ETV5: variants seen among roughly 807,000 people sequenced by gnomAD.
ETV5 encodes the protein ETS variant transcription factor 5, also known as ETS translocation variant 5.
ETV5 carries 10 observed loss-of-function variants against 70.0 expected under a neutral mutation model. The ratio of observed to expected loss-of-function variants is 0.14; its 90% CI spans 0.09 to 0.24. The LOEUF is 0.24. Among genes scored for constraint, ETV5 ranks in the 10% least tolerant of loss-of-function variants. ETV5 has a pLI of 1.00. For synonymous variants in ETV5, 216 were observed against 242.2 expected, an observed-to-expected ratio of 0.89 and a Z score of 1.01; for missense variants, 453 against 651.2, an observed-to-expected ratio of 0.70 and a Z score of 3.31.
At chr3:186,089,072 A>C (rs999914596) in intron 5 of ETV5, among the ~76,000 whole-genome samples, 3 of 152,136 alleles carry the variant, frequency 2.0e-5, no homozygotes, top group Non-Finnish European at 4.4e-5. Flanking sequence ...CTAGTGAATG[A>C]CTCTAATAGT....
chr3:186,079,837 G>A lies in ETV5; in HGVS notation c.630C>T (p.Asn210=), dbSNP rs1411639442. The change falls in exon 7 of 13, where the codon AAC becomes AAT. Residue 210 remains asparagine, a synonymous_variant. Coordinates refer to ENST00000306376, the MANE Select transcript of ETV5 (RefSeq NM_004454.3). The part of the protein sequence containing the change: ...PLQMPKMMPE[N]QYPSEQRFQR... ...CCCACCTCTGTTCTGATGGATACTG[G>A]TTTTCAGGCATCATCTTTGGCATCT... is the stretch of plus-strand genomic sequence containing the variant. 1.3e-6 allele frequency: 2 copies of A among 1,599,554 alleles called. No individual in the cohort carries two copies. The highest frequency in any genetic ancestry group is 2.3e-5 in the East Asian group (1 of 43,802).
intron 9 of ETV5, among the ~76,000 whole-genome samples, chr3:186,060,404 TG>T (rs1317325305): frequency 6.6e-6 from 1 of 152,238 alleles, no homozygotes; most frequent in Non-Finnish European, 1.5e-5. Flanking sequence ...TTAAGTCAGT[TG>T]AATTTGAGCC....
chr3:186,099,949 T>C (rs770077452), intron 5 of ETV5, among the ~76,000 whole-genome samples: 1 of 152,132 alleles, frequency 6.6e-6, no homozygotes, highest in East Asian at 1.9e-4. Flanking sequence ...AAGAGAAAAA[T>C]TCAGTTTTAA....
At chr3:186,103,569 A>T (rs1197850757) in intron 5 of ETV5, among the ~76,000 whole-genome samples, 1 of 151,834 alleles carries the variant, frequency 6.6e-6, no homozygotes, top group Admixed American at 6.6e-5. Flanking sequence ...GCTGGGCCAA[A>T]TTGTCAACAC....
In ETV5 at chr3:186,105,584, G is replaced by C. The variant is rs1290061949; in HGVS notation, c.133+41C>G. The C allele has an allele frequency of 9.9e-6, 16 of 1,612,354 alleles. No homozygotes were observed. Among genetic ancestry groups the C allele is most frequent in the African/African-American group, 1.3e-5 (1 of 74,898 alleles). ...AGAATCTACACGCTACTGTCACTGG[G>C]AGCAGGGAAGCCACAACATAATCAG... On this transcript the variant is annotated intron_variant, in intron 3 of 12. Coordinates refer to ENST00000306376, the MANE Select transcript of ETV5 (RefSeq NM_004454.3). The surrounding 1 kb of genome is among the most constrained non-coding windows in gnomAD (Gnocchi z 4.5).
At chr3:186,049,226 T>A (rs1300015953) in intron 12 of ETV5, among the ~76,000 whole-genome samples, 2 of 152,252 alleles carry the variant, frequency 1.3e-5, no homozygotes, top group East Asian at 3.8e-4. Flanking sequence ...ACCACATTTT[T>A]AGTCACTTCC....
intron 9 of ETV5, among the ~76,000 whole-genome samples, chr3:186,059,064 A>C (rs1290746784): frequency 6.6e-6 from 1 of 151,802 alleles, no homozygotes; most frequent in Non-Finnish European, 1.5e-5. Context: ...GAAAGGAAAA[A>C]TCCGTGAGTA....
chr3:186,084,464 CAT>C (rs1714008171), intron 5 of ETV5, among the ~76,000 whole-genome samples: 2 of 83,872 alleles, frequency 2.4e-5, no homozygotes, highest in Non-Finnish European at 4.2e-5. Flanking sequence ...TTTCTGTCTT[CAT>C]TCATTCATTC....
In ETV5 at chr3:186,057,354, G is replaced by A; in HGVS notation, c.1039+69C>T. 1.9e-6 allele frequency: 3 copies of A among 1,605,186 alleles called. No individual in the cohort carries two copies. Among genetic ancestry groups the A allele is most frequent in the Non-Finnish European group, 2.6e-6 (3 of 1,172,218 alleles). ...TTTAATCACTGGACTTGGGAAGAGA[G>A]TCATGGCTGAGGTGTTCTGACACCT... On this transcript the variant is annotated intron_variant, in intron 10 of 12. Coordinates refer to ENST00000306376, the MANE Select transcript of ETV5 (RefSeq NM_004454.3). The surrounding 1 kb of genome is among the most constrained non-coding windows in gnomAD (Gnocchi z 4.9).
chr3:186,080,829 T>C (rs1245481226), intron 6 of ETV5: 1 of 425,080 alleles, frequency 2.4e-6, no homozygotes, highest in Non-Finnish European at 4.3e-6. Flanking sequence ...CTTAGTGCTC[T>C]GTAGAGCCAC....
In ETV5 at chr3:186,054,811, T is replaced by G; in HGVS notation, c.1209+2264A>C. ...GCCCTCACAGGTATACAAGGAGGGG[T>G]GGGGGGAGCTCAGCAAATGTCACCT... On this transcript the variant is annotated intron_variant, in intron 11 of 12. Transcript: ENST00000306376. The surrounding 1 kb of genome is among the most constrained non-coding windows in gnomAD (Gnocchi z 4.4). Among the ~76,000 whole-genome samples the G allele has an allele frequency of 6.7e-6, 1 of 150,096 alleles. No homozygotes were observed. The highest frequency in any genetic ancestry group is 1.5e-5 in the Non-Finnish European group (1 of 67,630).
intron 5 of ETV5, among the ~76,000 whole-genome samples, chr3:186,094,583 G>A (rs1560055220): frequency 1.3e-5 from 2 of 152,066 alleles, no homozygotes; most frequent in Admixed American, 6.6e-5. Flanking sequence ...AACAATTTAG[G>A]ATTGTTACTT....
At chr3:186,050,986 T>C (rs1713014754) in intron 12 of ETV5, among the ~76,000 whole-genome samples, 1 of 152,226 alleles carries the variant, frequency 6.6e-6, no homozygotes, top group Non-Finnish European at 1.5e-5. Context: ...CATGTATTCT[T>C]TGGCAAACAA....
chr3:186,062,998 G>A (rs1018921552), intron 9 of ETV5, among the ~76,000 whole-genome samples: 4 of 152,106 alleles, frequency 2.6e-5, no homozygotes, highest in Admixed American at 6.5e-5. Flanking sequence ...TAGGCTGGGC[G>A]CGGTAGTTCA....
Position 186,048,715 on chromosome 3 carries a change from A to T in ETV5, c.1457T>A (p.Phe486Tyr), listed in dbSNP as rs771873806. The change falls in exon 13 of 13, where the codon TTT (phenylalanine) becomes TAT (tyrosine). Residue 486 changes from phenylalanine (F) to tyrosine (Y), a missense_variant. Transcript: ENST00000306376. The part of the protein sequence containing the change: ...SEEDTLPLTH[F>Y]EDSPAYLLDM... ...CAGGAGGTAAGCGGGGCTGTCTTCA[A>T]AGTGGGTCAGCGGCAGGGTGTCCTC... 12 of 1,614,198 alleles carry T rather than the reference A, an allele frequency of 7.4e-6. No individual in the cohort carries two copies. Among genetic ancestry groups the T allele is most frequent in the Non-Finnish European group, 6.8e-6 (8 of 1,180,026 alleles).
rs115251621 is a variant in ETV5 at position 186,053,078 on chromosome 3, A to C, written c.1210-947T>G. 5.8e-3 allele frequency among the ~76,000 whole-genome samples: 882 copies of C among 152,200 alleles called. 7 individuals carry two copies. The highest frequency in any genetic ancestry group is 0.024 in the East Asian group (125 of 5,190). The stretch of plus-strand genomic sequence containing the variant: ...GTCAGTTTTGGAAACTTAAAAAAAA[A>C]AAACAAACTATATTCCTTCGATTAT... On this transcript the variant is annotated intron_variant, in intron 11 of 12. Coordinates refer to ENST00000306376, the MANE Select transcript of ETV5 (RefSeq NM_004454.3).
intron 9 of ETV5, among the ~76,000 whole-genome samples, chr3:186,062,633 A>C (rs1438776227): frequency 2.6e-5 from 4 of 152,308 alleles, no homozygotes; most frequent in South Asian, 2.1e-4. Context: ...AAGACAAAAC[A>C]AAACCAAACC....
chr3:186,051,517 C>T (rs1713031315), intron 12 of ETV5, among the ~76,000 whole-genome samples: 2 of 152,228 alleles, frequency 1.3e-5, no homozygotes, highest in Admixed American at 1.3e-4. Context: ...GACTCTGCTG[C>T]CATTCTACAA....
intron 5 of ETV5, among the ~76,000 whole-genome samples, chr3:186,088,055 A>G (rs1714098649): frequency 6.6e-6 from 1 of 152,208 alleles, no homozygotes; most frequent in Non-Finnish European, 1.5e-5. Flanking sequence ...CTTCACACAC[A>G]GGCTTTGACC....
Sources: gnomAD v4.1 joint callset for allele counts (sites outside exome capture counted in the v4.1 genomes callset) on GRCh38, gnomAD v4.1.1 for gene constraint, Gnocchi (gnomAD v3.1) non-coding constraint, MANE v1.5 for transcripts, NCBI Gene and HGNC (gene_info 2026-07-23, HGNC 2026-07-21) for gene names.